Variants in NRG2 observed in about 807,000 individuals in gnomAD.
NRG2 encodes the protein pro-neuregulin-2, membrane-bound isoform.
In NRG2, 27 loss-of-function variants were observed where a neutral mutation model predicts 73.9. That is an observed-to-expected ratio of 0.37 (90% CI 0.27 to 0.50). The LOEUF (loss-of-function observed/expected upper bound fraction) is 0.50. Among genes scored for constraint, NRG2 ranks in the 20% least tolerant of loss-of-function variants. The probability of loss-of-function intolerance (pLI) is 0.96; values close to 1 mark genes in which losing one functional copy is unlikely to be tolerated. For synonymous variants in NRG2, 532 were observed against 541.0 expected, an observed-to-expected ratio of 0.98 and a Z score of 0.23; for missense variants, 1,126 against 1,210.1, an observed-to-expected ratio of 0.93 and a Z score of 1.03.
intron 3 of NRG2, among the ~76,000 whole-genome samples, chr5:139,875,359 A>G (rs779293663): frequency 2.6e-5 from 4 of 152,216 alleles, no homozygotes; most frequent in Admixed American, 6.5e-5. Context: ...TGTAAGCTCC[A>G]TTAGGGCAGG....
chr5:139,854,267 A>C (rs1046991567), intron 6 of NRG2, among the ~76,000 whole-genome samples: 2 of 152,182 alleles, frequency 1.3e-5, no homozygotes, highest in African/African-American at 4.8e-5. Flanking sequence ...ATTCACCTGG[A>C]ATACTTTCTC....
At chr5:139,937,189 C>A (rs892095849) in intron 1 of NRG2, among the ~76,000 whole-genome samples, 3 of 152,134 alleles carry the variant, frequency 2.0e-5, no homozygotes, top group Non-Finnish European at 4.4e-5. Context: ...ATTTAACATT[C>A]AAAAATCAAT....
At chr5:139,892,333 G>A (rs192125446) in intron 1 of NRG2, among the ~76,000 whole-genome samples, 22 of 152,302 alleles carry the variant, frequency 1.4e-4, no homozygotes, top group Non-Finnish European at 1.5e-5. Flanking sequence ...AGGCATTAGA[G>A]GCTATAAGTT....
At chr5:139,934,603 T>C (rs1752710893) in intron 1 of NRG2, among the ~76,000 whole-genome samples, 1 of 152,130 alleles carries the variant, frequency 6.6e-6, no homozygotes, top group Non-Finnish European at 1.5e-5. Context: ...AGTCAAATGG[T>C]AGATTGAAGC....
chr5:140,042,798 C>G lies in NRG2; in HGVS notation c.272G>C (p.Gly91Ala). 1 of 1,506,080 alleles carries G rather than the reference C, an allele frequency of 6.6e-7. No homozygotes were observed. Among genetic ancestry groups the G allele is most frequent in the Non-Finnish European group, 8.9e-7 (1 of 1,129,362 alleles). The allele number at this position is 1,506,080 out of a possible 1,614,324, so 93.3% of individuals were successfully genotyped here. ...GGGGGCCGGGTCGCGCCTCATGCCGCCGGCGGCTGCGGCTCGCGAACGGGC... is the reference window on the plus strand; with the variant it reads ...GGGGGCCGGGTCGCGCCTCATGCCGGCGGCGGCTGCGGCTCGCGAACGGGC... ...AAARSRAAAA[G>A]GMRRDPAPGF... Residue 91 changes from glycine (G) to alanine (A), a missense_variant, in exon 1 of 10, where the codon GGC becomes GCC. Coordinates refer to ENST00000361474, the MANE Select transcript of NRG2 (RefSeq NM_004883.3).
rs1199054363 is a variant in NRG2, at chr5:139,851,540, G to C, written c.1772+64C>G. ...TGTTTCTGAGGGGCCCTAAGGGTCA[G>C]CCTTGGGCCAGTGGTGCCAGCCCTC... On this transcript the variant is annotated intron_variant, in intron 9 of 9. Coordinates refer to ENST00000361474, the MANE Select transcript of NRG2 (RefSeq NM_004883.3). This position sits in a 1 kb window ranked among gnomAD's most constrained non-coding sequence, Gnocchi z 4.2. 6.7e-7 allele frequency: 1 copy of C among 1,499,736 alleles called. No individual in the cohort carries two copies. Among genetic ancestry groups the C allele is most frequent in the Non-Finnish European group, 9.2e-7 (1 of 1,083,162 alleles). The allele number at this position is 1,499,736 out of a possible 1,614,324, so 92.9% of individuals were successfully genotyped here. A position where few individuals can be genotyped will look rare whatever the true frequency, so the allele number is the denominator to read the frequency against.
intron 1 of NRG2, among the ~76,000 whole-genome samples, chr5:139,968,596 G>A (rs1209032594): frequency 6.6e-6 from 1 of 152,226 alleles, no homozygotes; most frequent in Non-Finnish European, 1.5e-5. Context: ...GGCTGGGAAG[G>A]GCAGAGGGGT....
At chr5:139,892,700 G>A (rs1001244031) in intron 1 of NRG2, among the ~76,000 whole-genome samples, 3 of 152,148 alleles carry the variant, frequency 2.0e-5, no homozygotes, top group Non-Finnish European at 4.4e-5. Context: ...GAACCAAGCA[G>A]AGGAACAGGC....
intron 1 of NRG2, among the ~76,000 whole-genome samples, chr5:140,016,639 G>T (rs746928821): frequency 6.6e-5 from 10 of 152,348 alleles, no homozygotes; most frequent in African/African-American, 2.4e-4. Flanking sequence ...TTTGAAAGAC[G>T]TGGAAGTGAT....
At chr5:139,989,313 A>G (rs1757399415) in intron 1 of NRG2, among the ~76,000 whole-genome samples, 1 of 152,000 alleles carries the variant, frequency 6.6e-6, no homozygotes, top group Admixed American at 6.6e-5. Context: ...ATCCTGCTCC[A>G]GCTTCTACTC....
At chr5:140,029,272 G>A (rs1653586004) in intron 1 of NRG2, among the ~76,000 whole-genome samples, 1 of 152,176 alleles carries the variant, frequency 6.6e-6, no homozygotes, top group African/African-American at 2.4e-5. Flanking sequence ...TTCACACAGC[G>A]AGTAAGAAAC....
intron 1 of NRG2, among the ~76,000 whole-genome samples, chr5:139,889,650 C>G (rs564220644): frequency 6.6e-6 from 1 of 152,194 alleles, no homozygotes; most frequent in African/African-American, 2.4e-5. Context: ...GCCCCCTCCC[C>G]CTTCCCATTA....
At chr5:140,027,522 G>A (rs35951343) in intron 1 of NRG2, among the ~76,000 whole-genome samples, 11,600 of 152,160 alleles carry the variant, frequency 0.076, 502 homozygotes, top group South Asian at 0.1. Flanking sequence ...CTTATCTATG[G>A]TTTCACTTTC....
At chr5:140,031,368 T>G (rs1761137368) in intron 1 of NRG2, among the ~76,000 whole-genome samples, 1 of 152,230 alleles carries the variant, frequency 6.6e-6, no homozygotes, top group African/African-American at 2.4e-5. Context: ...TCTGACAGGC[T>G]GTCTTTGGAA....
At chr5:139,916,307 T>C (rs1751249610) in intron 1 of NRG2, among the ~76,000 whole-genome samples, 1 of 152,178 alleles carries the variant, frequency 6.6e-6, no homozygotes, top group East Asian at 1.9e-4. Context: ...GAGAATCCAG[T>C]CCTCACTGCT....
intron 3 of NRG2, among the ~76,000 whole-genome samples, chr5:139,875,348 A>G (rs938292923): frequency 1.3e-5 from 2 of 152,230 alleles, no homozygotes; most frequent in Non-Finnish European, 2.9e-5. Context: ...CTTCACTAGA[A>G]TGTAAGCTCC....
chr5:139,992,401 A>G (rs1243897230), intron 1 of NRG2, among the ~76,000 whole-genome samples: 1 of 152,160 alleles, frequency 6.6e-6, no homozygotes, highest in Non-Finnish European at 1.5e-5. Context: ...TGAGTTTTTT[A>G]TGCAAATAAT....
At chr5:139,897,278 G>A (rs1422186) in intron 1 of NRG2, among the ~76,000 whole-genome samples, 33,616 of 152,154 alleles carry the variant, frequency 0.22, 4,414 homozygotes, top group African/African-American at 0.37. Context: ...AACAGGGACA[G>A]TCTCATCCAC....
chr5:139,892,319 G>A (rs1015733641), intron 1 of NRG2, among the ~76,000 whole-genome samples: 4 of 152,188 alleles, frequency 2.6e-5, no homozygotes, highest in African/African-American at 9.7e-5. Context: ...TAGGTGTGCT[G>A]GGAAGGCATT....
Sources: allele counts gnomAD v4.1 joint callset (sites outside exome capture counted in the v4.1 genomes callset), GRCh38; gene constraint gnomAD v4.1.1; non-coding constraint Gnocchi (gnomAD v3.1); transcripts MANE v1.5; gene names NCBI Gene and HGNC (gene_info 2026-07-23, HGNC 2026-07-21).